The following UNC13C variants were observed in gnomAD, a reference collection of about 807,000 sequenced individuals.
UNC13C encodes protein unc-13 homolog C.
Under a neutral mutation model 245.4 loss-of-function variants are expected in UNC13C, and 174 were observed. That is an observed-to-expected ratio of 0.71 (90% CI 0.63 to 0.80). UNC13C has a LOEUF of 0.80. Ranked by LOEUF, UNC13C falls within the 30% of genes least tolerant of loss-of-function variation. The pLI is 0.00. For missense variants in UNC13C, 2,829 were observed against 2,602.9 expected (o/e 1.09, Z -1.89); for synonymous variants, 992 against 895.1 (o/e 1.11, Z -1.93).
chr15:54,366,637 C>A (rs1220997242), intron 17 of UNC13C, among the ~76,000 whole-genome samples: 1 of 151,912 alleles, frequency 6.6e-6, no homozygotes, highest in Non-Finnish European at 1.5e-5. Context: ...CTCTTTGACC[C>A]AGGATATTAA....
chr15:53,903,495 T>C, the UNC13C span, among the ~76,000 whole-genome samples: 6 of 152,226 alleles, frequency 3.9e-5, no homozygotes, highest in South Asian at 2.1e-4. Flanking sequence ...TAATTTAAGA[T>C]TGTGACAATA....
At position 54,369,603 on chromosome 15, in the gene UNC13C, A is replaced by G. The variant is rs916461769; in HGVS notation, c.4714-23445A>G. Among the ~76,000 whole-genome samples the G allele has an allele frequency of 2.0e-5, 3 of 152,196 alleles. No individual in the cohort carries two copies. In the South Asian group the frequency reaches 6.2e-4, roughly 31 times the overall value. ...ATTAAAGATAGAATATGAACAAAAC[A>G]TAGCCTAACTTTAGTTATTTACAGA... is the stretch of plus-strand genomic sequence containing the variant. On this transcript the variant is annotated intron_variant, in intron 17 of 32. Coordinates refer to ENST00000260323, the MANE Select transcript of UNC13C (RefSeq NM_001080534.3).
At chr15:54,488,152 T>A (rs1403196769) in intron 19 of UNC13C, among the ~76,000 whole-genome samples, 1 of 152,210 alleles carries the variant, frequency 6.6e-6, no homozygotes, top group Non-Finnish European at 1.5e-5. Context: ...TGATCCCATC[T>A]AAATATTGTT....
downstream of UNC13C, chr15:54,632,751 C>T (rs148975989): frequency 6.6e-6 from 1 of 152,276 alleles, no homozygotes; most frequent in East Asian, 1.9e-4. Flanking sequence ...ACCTTATCAC[C>T]AATGTGACAC....
the UNC13C span, among the ~76,000 whole-genome samples, chr15:53,925,128 C>T: frequency 6.6e-6 from 1 of 152,108 alleles, no homozygotes; most frequent in East Asian, 1.9e-4. Context: ...AATCTGTTTA[C>T]ATTATTTTGT....
chr15:54,543,877 C>G lies in UNC13C; in HGVS notation c.5697-2845C>G, dbSNP rs998768156. On this transcript the variant is annotated intron_variant, in intron 26 of 32. Transcript: ENST00000260323. ...ATTCTACCAGAGGTACAAAGAGGAGCTGATACTATTCCTTCTGAAACTATT... is the reference window on the plus strand; with the variant it reads ...ATTCTACCAGAGGTACAAAGAGGAGGTGATACTATTCCTTCTGAAACTATT... Among the ~76,000 whole-genome samples, 147 of 152,138 alleles carry G rather than the reference C, an allele frequency of 9.7e-4. 1 individual carries two copies. The highest frequency in any genetic ancestry group is 2.5e-4 in the Non-Finnish European group (17 of 68,028).
In UNC13C at chr15:54,015,785, A is replaced by G. The variant is rs1279171031; in HGVS notation, c.2882A>G (p.Glu961Gly). 6.2e-7 allele frequency: 1 copy of G among 1,612,284 alleles called. No individual in the cohort carries two copies. ...ENQNIPEQPV[E>G]ITKPKRIRPS... ...CAAAACATTCCTGAACAGCCAGTGG[A>G]GATCACAAAGCCAAAGAGAATTCGT... Residue 961 changes from glutamate to glycine, a missense_variant, in exon 2 of 33, where the codon GAG (glutamate) becomes GGG (glycine). By Grantham distance (98) the Glu-to-Gly change is moderately conservative. Transcript: ENST00000260323.
chr15:54,514,046 T>C lies in UNC13C; in HGVS notation c.5457+2216T>C, dbSNP rs116055589. Among the ~76,000 whole-genome samples the C allele has an allele frequency of 7.2e-3, 1,092 of 152,290 alleles. 12 individuals carry two copies. Among genetic ancestry groups the C allele is most frequent in the African/African-American group, 0.025 (1,048 of 41,558 alleles). On this transcript the variant is annotated intron_variant, in intron 24 of 32. Transcript: ENST00000260323. Reference sequence around the variant, plus strand: ...TCCCAGAAAATAGAAGCTTAATTGATACAGAATTATGATAGAATTTCTGAT... The same window carrying C: ...TCCCAGAAAATAGAAGCTTAATTGACACAGAATTATGATAGAATTTCTGAT...
At chr15:54,500,754 T>C in intron 21 of UNC13C, 81 bp from the exon 22 acceptor site, 6 of 1,187,536 alleles carry the variant, frequency 5.1e-6, no homozygotes, top group Non-Finnish European at 6.1e-6. Context: ...GGAGATTCAG[T>C]TGTTGATGGG....
At chr15:53,985,271 A>G (rs1236691544) in intron 1 of UNC13C, among the ~76,000 whole-genome samples, 4 of 151,614 alleles carry the variant, frequency 2.6e-5, no homozygotes, top group Non-Finnish European at 4.4e-5. Context: ...TGCAAAGTAC[A>G]TGAACTCATA....
chr15:53,936,142 C>A, the UNC13C span, among the ~76,000 whole-genome samples: 4 of 152,170 alleles, frequency 2.6e-5, no homozygotes, highest in Non-Finnish European at 5.9e-5. Context: ...TGAGACAGAC[C>A]AAGTTCCTGG....
the UNC13C span, among the ~76,000 whole-genome samples, chr15:53,918,333 C>T: frequency 1.1e-4 from 3 of 28,260 alleles, no homozygotes; most frequent in East Asian, 6.4e-3. Context: ...CTGTTGTCAA[C>T]AAATTGTTTA....
At chr15:54,326,747 G>A (rs2038306963) in intron 14 of UNC13C, among the ~76,000 whole-genome samples, 1 of 151,900 alleles carries the variant, frequency 6.6e-6, no homozygotes, top group Non-Finnish European at 1.5e-5. Flanking sequence ...CATTTTGCAA[G>A]GGAAGTCTCA....
intron 4 of UNC13C, among the ~76,000 whole-genome samples, chr15:54,163,314 G>GA (rs933280070): frequency 3.3e-5 from 5 of 152,060 alleles, no homozygotes; most frequent in Admixed American, 1.3e-4. Context: ...AAAAGACAAG[G>GA]AAAAAAAATC....
intron 24 of UNC13C, among the ~76,000 whole-genome samples, chr15:54,525,258 T>G (rs1895394912): frequency 6.6e-6 from 1 of 152,194 alleles, no homozygotes. Context: ...AGGATATTTT[T>G]GTCATGCCTT....
chr15:53,942,350 G>T, the UNC13C span, among the ~76,000 whole-genome samples: 1 of 152,102 alleles, frequency 6.6e-6, no homozygotes, highest in Non-Finnish European at 1.5e-5. Context: ...GGAGTTAAAT[G>T]ATGAGAACAT....
At chr15:53,863,604 A>G in the UNC13C span, among the ~76,000 whole-genome samples, 1 of 152,322 alleles carries the variant, frequency 6.6e-6, no homozygotes, top group East Asian at 1.9e-4. Context: ...TTGTGCAATC[A>G]TTCAATAGAC....
chr15:54,565,550 A>AC (rs1897474156), intron 29 of UNC13C, among the ~76,000 whole-genome samples: 1 of 152,140 alleles, frequency 6.6e-6, no homozygotes, highest in African/African-American at 2.4e-5. Context: ...ATATCCATGC[A>AC]GTTATAAAAT....
intron 19 of UNC13C, among the ~76,000 whole-genome samples, chr15:54,440,219 C>T (rs771328636): frequency 7.9e-5 from 12 of 152,026 alleles, no homozygotes; most frequent in Non-Finnish European, 1.3e-4. Context: ...TCCCCCTTCA[C>T]CCTCCATCAT....
Sources: allele counts gnomAD v4.1 joint callset (sites outside exome capture counted in the v4.1 genomes callset), GRCh38; gene constraint gnomAD v4.1.1; transcripts MANE v1.5; gene names NCBI Gene and HGNC (gene_info 2026-07-23, HGNC 2026-07-21).